Variants in JAK3 observed in about 807,000 individuals in gnomAD.
JAK3 encodes the protein tyrosine-protein kinase JAK3.
In JAK3, 88 loss-of-function variants were observed where a neutral mutation model predicts 120.8. That is an observed-to-expected ratio of 0.73 (90% CI 0.61 to 0.87). JAK3 has a LOEUF of 0.87. Among genes scored for constraint, JAK3 ranks in the 40% least tolerant of loss-of-function variants. JAK3 has a pLI of 0.00. For synonymous variants in JAK3, 592 were observed against 628.6 expected (o/e 0.94, Z 0.87); for missense variants, 1,254 against 1,501.4 (o/e 0.84, Z 2.72).
In JAK3 at chr19:17,844,421, T is replaced by C; in HGVS notation, c.-4A>G. The C allele has an allele frequency of 6.2e-7, 1 of 1,608,426 alleles. No homozygotes were observed. Among genetic ancestry groups the C allele is most frequent in the Non-Finnish European group, 8.5e-7 (1 of 1,178,060 alleles). ...TCTCTTCACTTGGAGGTGCCATGAG[T>C]GCAACTTGCCTGGGGCACAGAGAGA... On this transcript the variant is annotated 5_prime_UTR_variant, in exon 2 of 24. Transcript: ENST00000458235.
chr19:17,827,834 G>A (rs10417208), intron 23 of JAK3, among the ~76,000 whole-genome samples: 3,505 of 148,786 alleles, frequency 0.024, 144 homozygotes, highest in African/African-American at 0.083. Context: ...CCTGGGAGGC[G>A]GAAGTTGTGG....
chr19:17,841,774 G>T lies in JAK3; in HGVS notation c.862-12C>A. On this transcript the variant is annotated splice_polypyrimidine_tract_variant and intron_variant, in intron 6 of 23. Coordinates refer to ENST00000458235, the MANE Select transcript of JAK3 (RefSeq NM_000215.4). This position sits in a 1 kb window ranked among gnomAD's most constrained non-coding sequence, Gnocchi z 4.1. ...AAGGGCTGGAGGACCTGGGAAGGAGGGGGAGTACCGAAGTGGGGGCCCAGC... is the reference window on the plus strand; with the variant it reads ...AAGGGCTGGAGGACCTGGGAAGGAGTGGGAGTACCGAAGTGGGGGCCCAGC... 1 of 1,602,080 alleles carries T rather than the reference G, an allele frequency of 6.2e-7. No individual in the cohort carries two copies. Among genetic ancestry groups the T allele is most frequent in the Non-Finnish European group, 8.5e-7 (1 of 1,179,838 alleles).
chr19:17,839,657 G>C lies in JAK3; in HGVS notation c.1261C>G (p.Leu421Val), dbSNP rs267605359. The change falls in exon 10 of 24, where the codon CTT (leucine) becomes GTT (valine). Residue 421 changes from leucine (L) to valine (V), a missense_variant. Leu to Val is a conservative substitution (Grantham distance 32). Transcript: ENST00000458235. ...AGGCAGCCCTTATAATCAGGACCAA[G>C]GGGGTTCTGCAAAGAAGAGTGGCCC... ...FLLTVCVQNP[L>V]GPDYKGCLIR... is the part of the protein sequence containing the mutation. 1.9e-6 allele frequency: 3 copies of C among 1,609,906 alleles called. No individual in the cohort carries two copies. The highest frequency in any genetic ancestry group is 2.5e-6 in the Non-Finnish European group (3 of 1,178,760).
chr19:17,827,739 A>G (rs1487908136), intron 23 of JAK3, among the ~76,000 whole-genome samples: 1 of 45,358 alleles, frequency 2.2e-5, no homozygotes, highest in African/African-American at 6.1e-5. Context: ...AAAAAAAAAA[A>G]AAAAAAAAAA....
intron 12 of JAK3, 116 bp from the exon 13 acceptor site, chr19:17,837,329 C>T: frequency 1.3e-6 from 1 of 781,016 alleles, no homozygotes; most frequent in Non-Finnish European, 2.2e-6. Context: ...CACCTTTGGC[C>T]CTGGAGTCTG....
intron 17 of JAK3, among the ~76,000 whole-genome samples, chr19:17,834,089 T>C (rs550328309): frequency 2.0e-4 from 31 of 152,206 alleles, no homozygotes; most frequent in African/African-American, 7.5e-4. Flanking sequence ...GGCTCACACC[T>C]GAAATCCCAG....
At chr19:17,840,931 C>T (rs2094236885) in intron 8 of JAK3, among the ~76,000 whole-genome samples, 1 of 151,910 alleles carries the variant, frequency 6.6e-6, no homozygotes, top group Non-Finnish European at 1.5e-5. Context: ...GATCCTCCTG[C>T]CTCAGCCTCC....
chr19:17,830,491 A>G lies in JAK3; in HGVS notation c.3096+12T>C. The G allele has an allele frequency of 6.2e-7, 1 of 1,604,804 alleles. No individual in the cohort carries two copies. The highest frequency in any genetic ancestry group is 2.2e-5 in the East Asian group (1 of 44,662). ...GGAGAAGAAGGCTGGGGGCTCTGGG[A>G]AGCCGACTCACGGCCGAGGGGCTGC... On this transcript the variant is annotated intron_variant, in intron 22 of 23. Transcript: ENST00000458235.
At chr19:17,836,120 C>CT (rs1017213004) in intron 13 of JAK3, 69 bp from the exon 14 acceptor site, 6 of 1,583,834 alleles carry the variant, frequency 3.8e-6, no homozygotes, top group African/African-American at 2.7e-5. Context: ...GTTCTGCCAA[C>CT]ACCCTGGCTC....
chr19:17,837,354 A>G, intron 12 of JAK3, 141 bp from the exon 13 acceptor site: 1 of 704,888 alleles, frequency 1.4e-6, no homozygotes, highest in Non-Finnish European at 2.6e-6. Flanking sequence ...TAGTGCACAC[A>G]GCACTACCAT....
rs546293977 is a variant in JAK3, at chr19:17,824,910, C to T, written c.*1833G>A. ...GCTGGACACAGACACTTCCCCAGCCCCAGGGCCAGAGTGGGGCTGGAGGGA... is the reference window on the plus strand; with the variant it reads ...GCTGGACACAGACACTTCCCCAGCCTCAGGGCCAGAGTGGGGCTGGAGGGA... On this transcript the variant is annotated 3_prime_UTR_variant, in exon 24 of 24. Coordinates refer to ENST00000458235, the MANE Select transcript of JAK3 (RefSeq NM_000215.4). 1.4e-3 allele frequency: 296 copies of T among 218,498 alleles called. 2 individuals are homozygous for T. Among genetic ancestry groups the T allele is most frequent in the Non-Finnish European group, 1.5e-3 (163 of 108,728 alleles). The allele number at this position is 218,498 out of a possible 1,614,324, so 13.5% of individuals were successfully genotyped here. A position where few individuals can be genotyped will look rare whatever the true frequency, so the allele number is the denominator to read the frequency against.
At position 17,826,446 on chromosome 19, in the gene JAK3, C is replaced by T. The variant is rs201074712; in HGVS notation, c.*297G>A. 11 of 407,176 alleles carry T rather than the reference C, an allele frequency of 2.7e-5. No individual in the cohort carries two copies. The highest frequency in any genetic ancestry group is 4.9e-5 in the Non-Finnish European group (11 of 224,976). 25.2% of individuals were successfully genotyped at this position (407,176 alleles called of 1,614,324 possible). A position where few individuals can be genotyped will look rare whatever the true frequency, so the allele number is the denominator to read the frequency against. ...GAGACAGAAAAGGAAACTCAGGGGG[C>T]CAGGGCTTAAGGGGTTGGGAAGATG... On this transcript the variant is annotated 3_prime_UTR_variant, in exon 24 of 24. Transcript: ENST00000458235.
At chr19:17,833,900 C>A (rs558640640) in intron 17 of JAK3, among the ~76,000 whole-genome samples, 1 of 151,990 alleles carries the variant, frequency 6.6e-6, no homozygotes, top group Non-Finnish European at 1.5e-5. Context: ...GCATGCATCA[C>A]CATGCCTGGC....
At chr19:17,839,795 C>T in intron 9 of JAK3, 132 bp from the exon 10 acceptor site, 1 of 805,476 alleles carries the variant, frequency 1.2e-6, no homozygotes, top group South Asian at 1.6e-5. Flanking sequence ...GGCTGGAGTG[C>T]AATGGCGTGA....
intron 1 of JAK3, 33 bp from the exon 2 acceptor site, chr19:17,844,463 T>C: frequency 6.4e-7 from 1 of 1,558,550 alleles, no homozygotes; most frequent in Non-Finnish European, 8.7e-7. Context: ...CCCTCAGTCC[T>C]GGTCAGAGGG....
In JAK3 at chr19:17,824,839, G is replaced by A. The variant is rs2094201291; in HGVS notation, c.*1904C>T. The A allele has an allele frequency of 4.8e-6, 1 of 206,470 alleles. No homozygotes were observed. The highest frequency in any genetic ancestry group is 6.0e-5 in the Admixed American group (1 of 16,798). The allele number at this position is 206,470 out of a possible 1,614,324, so 12.8% of individuals were successfully genotyped here. On this transcript the variant is annotated 3_prime_UTR_variant, in exon 24 of 24. Coordinates refer to ENST00000458235, the MANE Select transcript of JAK3 (RefSeq NM_000215.4). Reference sequence around the variant, plus strand: ...ACATTTCCAGAGCCCCCTCTGTACTGAGGCCTCAGCCCAGCCCCCAAGGAA... The same window carrying A: ...ACATTTCCAGAGCCCCCTCTGTACTAAGGCCTCAGCCCAGCCCCCAAGGAA...
chr19:17,840,762 C>CAAA (rs1289497767), intron 8 of JAK3, among the ~76,000 whole-genome samples: 9 of 137,154 alleles, frequency 6.6e-5, no homozygotes, highest in African/African-American at 2.5e-4. Context: ...GACTCCGTCT[C>CAAA]AAAAAAAAAA....
At position 17,843,382 on chromosome 19, in the gene JAK3, G is replaced by A. The variant is rs1398137057; in HGVS notation, c.418C>T (p.Gln140Ter). 1.9e-6 allele frequency: 3 copies of A among 1,588,166 alleles called. No homozygotes were observed. Among genetic ancestry groups the A allele is most frequent in the Non-Finnish European group, 1.7e-6 (2 of 1,166,774 alleles). The change falls in exon 4 of 24, where the codon CAG (glutamine) becomes TAG (stop). Residue 140 changes from glutamine (Q) to a stop codon, truncating the protein, a stop_gained and splice_region_variant. Transcript: ENST00000458235. LOFTEE classifies it high-confidence loss of function. The surrounding 1 kb of genome is among the most constrained non-coding windows in gnomAD (Gnocchi z 5.4). ...DLPVLEHLFA[Q>*]HRSDLVSGRL... Reference sequence around the variant, plus strand: ...TCAAACCCCAGGCAGAACCCCACCTGGGCAAAGAGGTGCTCCAGGACTGGC... The same window carrying A: ...TCAAACCCCAGGCAGAACCCCACCTAGGCAAAGAGGTGCTCCAGGACTGGC...
chr19:17,840,660 G>A (rs1438596700), intron 8 of JAK3, among the ~76,000 whole-genome samples: 1 of 151,948 alleles, frequency 6.6e-6, no homozygotes, highest in Admixed American at 6.6e-5. Context: ...CTACTCGGGA[G>A]GCTGAGGCAG....
Sources: allele counts gnomAD v4.1 joint callset (sites outside exome capture counted in the v4.1 genomes callset), GRCh38; gene constraint gnomAD v4.1.1; non-coding constraint Gnocchi (gnomAD v3.1); transcripts MANE v1.5; gene names NCBI Gene and HGNC (gene_info 2026-07-23, HGNC 2026-07-21).